The following MICAL3 variants were observed in gnomAD, a reference collection of about 807,000 sequenced individuals.
MICAL3 encodes [F-actin]-monooxygenase MICAL3.
MICAL3 carries 62 observed loss-of-function variants against 207.4 expected under a neutral mutation model. The observed-to-expected ratio is 0.30, with a 90% confidence interval of 0.24 to 0.37. MICAL3 has a LOEUF of 0.37. Ranked by LOEUF, MICAL3 falls within the 10% of genes least tolerant of loss-of-function variation. The pLI is 1.00. For synonymous variants in MICAL3, 1,077 were observed against 1,069.3 expected, an observed-to-expected ratio of 1.01 and a Z score of -0.14; for missense variants, 2,368 against 2,635.6, an observed-to-expected ratio of 0.90 and a Z score of 2.22.
chr22:17,877,475 T>G (rs113527511), intron 16 of MICAL3, among the ~76,000 whole-genome samples: 1,764 of 83,960 alleles, frequency 0.021, 21 homozygotes, highest in Middle Eastern at 0.035. Context: ...TTATGGAGGT[T>G]AGGGAGGTTA....
At chr22:17,832,157 AGAAGGG>A in intron 20 of MICAL3, 50 bp from the exon 21 acceptor site, 2 of 1,542,742 alleles carry the variant, frequency 1.3e-6, no homozygotes, top group South Asian at 2.4e-5. Context: ...AGAAAAACTG[AGAAGGG>A]GAAGGGGAAG....
chr22:17,804,284 G>T (rs560828587), intron 29 of MICAL3, among the ~76,000 whole-genome samples: 1 of 152,208 alleles, frequency 6.6e-6, no homozygotes, highest in Non-Finnish European at 1.5e-5. Context: ...CAGGCTGAGG[G>T]CCTGGAGGCA....
chr22:17,945,664 C>T (rs866042262), intron 1 of MICAL3, among the ~76,000 whole-genome samples: 10 of 152,164 alleles, frequency 6.6e-5, no homozygotes, highest in Non-Finnish European at 1.2e-4. Flanking sequence ...GGCCCCTCTC[C>T]ACACAGCCCC....
chr22:17,910,961 A>G (rs1236865346), intron 1 of MICAL3, among the ~76,000 whole-genome samples: 1 of 152,182 alleles, frequency 6.6e-6, no homozygotes, highest in Non-Finnish European at 1.5e-5. Flanking sequence ...AAATCCCAGA[A>G]ACTGAAAAGC....
chr22:17,841,748 A>G lies in MICAL3; in HGVS notation c.2801+74T>C, dbSNP rs114426640. 2.3e-3 allele frequency: 3,360 copies of G among 1,459,892 alleles called. 74 individuals are homozygous for G. The African/African-American group carries it at 0.042, about 18-fold the overall frequency. The allele number at this position is 1,459,892 out of a possible 1,614,324, so 90.4% of individuals were successfully genotyped here. A position where few individuals can be genotyped will look rare whatever the true frequency, so the allele number is the denominator to read the frequency against. ...GGAGGCCTCCCTTCACTGAGAAGAA[A>G]CCGAGACACACAGAGGTGAGGAGGC... On this transcript the variant is annotated intron_variant, in intron 20 of 31. Coordinates refer to ENST00000441493, the MANE Select transcript of MICAL3 (RefSeq NM_015241.3). This position sits in a 1 kb window ranked among gnomAD's most constrained non-coding sequence, Gnocchi z 4.2.
chr22:18,005,711 C>G (rs1037304080), intron 1 of MICAL3: 12 of 152,104 alleles, frequency 7.9e-5, no homozygotes, highest in African/African-American at 2.9e-4. Context: ...CAAAACTGCC[C>G]CGTACCGCTG....
intron 19 of MICAL3, among the ~76,000 whole-genome samples, chr22:17,852,123 C>T (rs928346233): frequency 6.6e-6 from 1 of 152,160 alleles, no homozygotes; most frequent in Admixed American, 6.5e-5. Flanking sequence ...CGGTCTACAT[C>T]GCAGGATCCA....
intron 1 of MICAL3, among the ~76,000 whole-genome samples, chr22:17,954,651 T>C (rs972913387): frequency 6.6e-6 from 1 of 152,088 alleles, no homozygotes; most frequent in African/African-American, 2.4e-5. Flanking sequence ...TGGAACACCA[T>C]GGACACTCCA....
chr22:17,974,222 T>G (rs929036540), intron 1 of MICAL3, among the ~76,000 whole-genome samples: 4 of 152,186 alleles, frequency 2.6e-5, no homozygotes, highest in African/African-American at 9.7e-5. Flanking sequence ...ACCACCCTGC[T>G]GTCTGCCCTG....
chr22:17,964,629 A>G (rs1297081882), intron 1 of MICAL3, among the ~76,000 whole-genome samples: 2 of 152,084 alleles, frequency 1.3e-5, no homozygotes, highest in African/African-American at 4.8e-5. Context: ...CCACACTAGA[A>G]CCCTCTGACA....
chr22:17,847,637 G>A (rs530155517), intron 19 of MICAL3, among the ~76,000 whole-genome samples: 84 of 152,190 alleles, frequency 5.5e-4, no homozygotes, highest in African/African-American at 1.8e-3. Flanking sequence ...ACCTTCCGGC[G>A]TCACCTTCCC....
At chr22:17,917,177 C>T (rs549796238) in intron 1 of MICAL3, among the ~76,000 whole-genome samples, 3 of 152,244 alleles carry the variant, frequency 2.0e-5, no homozygotes, top group East Asian at 1.9e-4. Flanking sequence ...ACCAATGGTG[C>T]CTTAATATTT....
chr22:17,808,833 C>A lies in MICAL3; in HGVS notation c.5650+11G>T. ...TCCAGGAGCAGAGCTTAGGAGGGAGCCCGGCAGTACCTGCTTCGCCCCGGA... is the reference window on the plus strand; with the variant it reads ...TCCAGGAGCAGAGCTTAGGAGGGAGACCGGCAGTACCTGCTTCGCCCCGGA... On this transcript the variant is annotated intron_variant, in intron 29 of 31. Transcript: ENST00000441493. 1.3e-6 allele frequency: 2 copies of A among 1,550,856 alleles called. No individual in the cohort carries two copies. Among genetic ancestry groups the A allele is most frequent in the Non-Finnish European group, 1.7e-6 (2 of 1,146,654 alleles).
At chr22:17,810,949 C>T in intron 27 of MICAL3, 136 bp from the exon 28 acceptor site, 2 of 673,662 alleles carry the variant, frequency 3.0e-6, no homozygotes, top group Admixed American at 2.2e-5. Context: ...GACAAGCTGT[C>T]CTCTGTAGAG....
At position 17,817,901 on chromosome 22, in the gene MICAL3, G is replaced by A. The variant is rs780716515; in HGVS notation, c.4760C>T (p.Ala1587Val). Reference protein sequence around the residue: ...PQKRGLPLVSAEAKELAEERM... With the variant: ...PQKRGLPLVSVEAKELAEERM... ...CTCCTCGGCCAACTCCTTGGCTTCC[G>A]CGGACACCAAGGGCAGCCCCCTCTT... Residue 1587 changes from alanine (A) to valine (V), a missense_variant, in exon 26 of 32, where the codon GCG becomes GTG. Transcript: ENST00000441493. 14 of 1,612,302 alleles carry A rather than the reference G, an allele frequency of 8.7e-6. No individual in the cohort carries two copies. The highest frequency in any genetic ancestry group is 1.6e-4 in the Middle Eastern group (1 of 6,084).
In MICAL3 at chr22:17,999,389, G is replaced by T. The variant is rs147101849; in HGVS notation, c.-75+24892C>A. Among the ~76,000 whole-genome samples, 553 of 152,288 alleles carry T rather than the reference G, an allele frequency of 3.6e-3. 7 individuals carry two copies. The highest frequency in any genetic ancestry group is 0.011 in the African/African-American group (476 of 41,570). ...TACCACAGAAATGTCTGGAGAGCTG[G>T]AAGTTTGAGTGGGAGGAGGAATGGG... On this transcript the variant is annotated intron_variant, in intron 1 of 31. Transcript: ENST00000441493.
At chr22:17,878,478 C>T (rs1271360270) in intron 16 of MICAL3, among the ~76,000 whole-genome samples, 1 of 152,022 alleles carries the variant, frequency 6.6e-6, no homozygotes, top group African/African-American at 2.4e-5. Flanking sequence ...GGTGAGAGGG[C>T]GCAGGAAGAT....
At position 17,893,794 on chromosome 22, in the gene MICAL3, C is replaced by CCACCAGAA; in HGVS notation, c.1546+6_1546+13dup. The CCACCAGAA allele has an allele frequency of 6.5e-7, 1 of 1,549,724 alleles. No individual in the cohort carries two copies. The highest frequency in any genetic ancestry group is 8.8e-7 in the Non-Finnish European group (1 of 1,141,888). ...GGGCTGCCTGCATTTTAAAAAGCCA[C>CCACCAGAA]CACCAGAACTCACCATTGCGAGTCA... On this transcript the variant is annotated intron_variant, in intron 11 of 31. Transcript: ENST00000441493.
At chr22:17,944,322 C>T (rs920090075) in intron 1 of MICAL3, among the ~76,000 whole-genome samples, 1 of 152,078 alleles carries the variant, frequency 6.6e-6, no homozygotes, top group African/African-American at 2.4e-5. Context: ...AGCTGTTTAG[C>T]CAAGGTTAGA....
Sources: gnomAD v4.1 joint callset for allele counts (sites outside exome capture counted in the v4.1 genomes callset) on GRCh38, gnomAD v4.1.1 for gene constraint, Gnocchi (gnomAD v3.1) non-coding constraint, MANE v1.5 for transcripts, NCBI Gene and HGNC (gene_info 2026-07-23, HGNC 2026-07-21) for gene names.